The following PATJ variants were observed in gnomAD, a reference collection of about 807,000 sequenced individuals.
PATJ encodes PATJ crumbs cell polarity complex component, also known as inaD-like protein.
In PATJ, 190 loss-of-function variants were observed where a neutral mutation model predicts 224.9. The observed-to-expected ratio is 0.84, with a 90% confidence interval of 0.75 to 0.95. The LOEUF is 0.95. Among genes scored for constraint, PATJ ranks in the 40% least tolerant of loss-of-function variants. PATJ has a pLI of 0.00. For missense variants in PATJ, 2,121 were observed against 2,270.3 expected, an observed-to-expected ratio of 0.93 and a Z score of 1.34; for synonymous variants, 769 against 820.3, an observed-to-expected ratio of 0.94 and a Z score of 1.07.
At position 62,038,017 on chromosome 1, in the gene PATJ, C is replaced by G; in HGVS notation, c.4000C>G (p.Pro1334Ala). Residue 1334 changes from proline to alanine, a missense_variant, in exon 30 of 44, where the codon CCA becomes GCA. Physicochemically the swap from Pro to Ala is conservative, Grantham distance 27. Coordinates refer to ENST00000642238, the MANE Select transcript of PATJ (RefSeq NM_001350145.3). ...AVNQMAVTPF[P>A]VPSSSPSSIE... ...CAATCAGATGGCCGTTACTCCCTTT[C>G]CAGTGCCATCAAGTTCTCCATCTTC... The G allele has an allele frequency of 1.2e-6, 2 of 1,600,210 alleles. No individual in the cohort carries two copies. Among genetic ancestry groups the G allele is most frequent in the South Asian group, 1.1e-5 (1 of 88,250 alleles).
rs1425824934 is a variant in PATJ at position 61,757,577 on chromosome 1, G to A, written c.-35-5281G>A. On this transcript the variant is annotated intron_variant, in intron 1 of 43. Coordinates refer to ENST00000642238, the MANE Select transcript of PATJ (RefSeq NM_001350145.3). The stretch of plus-strand genomic sequence containing the variant: ...ATTTTTGTGTTTTATGTAGATACAG[G>A]GCTTTGCCATGTTATCCAGGCTGGT... Among the ~76,000 whole-genome samples, 2 of 151,654 alleles carry A rather than the reference G, an allele frequency of 1.3e-5. 1 individual carries two copies. Among genetic ancestry groups the A allele is most frequent in the African/African-American group, 4.8e-5 (2 of 41,246 alleles).
intron 11 of PATJ, among the ~76,000 whole-genome samples, chr1:61,800,111 G>A (rs1016154100): frequency 6.6e-6 from 1 of 152,192 alleles, no homozygotes; most frequent in African/African-American, 2.4e-5. Flanking sequence ...TAGAAACCCA[G>A]TAGTGGAGTT....
chr1:62,156,371 A>C (rs1669220389), intron 43 of PATJ, among the ~76,000 whole-genome samples: 1 of 151,052 alleles, frequency 6.6e-6, no homozygotes, highest in Non-Finnish European at 1.5e-5. Flanking sequence ...CTCTACTAAG[A>C]ATACAAAAAT....
intron 30 of PATJ, among the ~76,000 whole-genome samples, chr1:62,048,325 C>G (rs1397089474): frequency 6.6e-6 from 1 of 151,974 alleles, no homozygotes; most frequent in Non-Finnish European, 1.5e-5. Flanking sequence ...GTGGGTGGAT[C>G]ACTTGAGGTC....
chr1:61,990,284 A>G lies in PATJ; in HGVS notation c.3787A>G (p.Ser1263Gly). 6.2e-7 allele frequency: 1 copy of G among 1,614,028 alleles called. No homozygotes were observed. The highest frequency in any genetic ancestry group is 8.5e-7 in the Non-Finnish European group (1 of 1,179,954). ...TGGTAATAAAGACCGATCACGCATG[A>G]GCATATTTGTGGTGGGAATTAACCC... is the stretch of plus-strand genomic sequence containing the variant. ...LAGNKDRSRM[S>G]IFVVGINPEG... is the part of the protein sequence containing the mutation. The change falls in exon 28 of 44, where the codon AGC becomes GGC. Residue 1263 changes from serine (S) to glycine (G), a missense_variant. Ser to Gly is a moderately conservative substitution (Grantham distance 56, BLOSUM62 0). Transcript: ENST00000642238.
chr1:62,057,049 A>C (rs909394693), intron 31 of PATJ, among the ~76,000 whole-genome samples: 1 of 152,116 alleles, frequency 6.6e-6, no homozygotes, highest in African/African-American at 2.4e-5. Context: ...GCTGGTCTGG[A>C]ACTCCTGGCC....
intron 31 of PATJ, chr1:62,078,935 T>A (rs1658793903): frequency 6.6e-6 from 1 of 152,620 alleles, no homozygotes; most frequent in South Asian, 2.1e-4. Flanking sequence ...AGGTGTTGGT[T>A]TTCTTTGTCT....
At chr1:61,781,178 C>G (rs937429622) in intron 7 of PATJ, among the ~76,000 whole-genome samples, 4 of 152,118 alleles carry the variant, frequency 2.6e-5, no homozygotes, top group Non-Finnish European at 5.9e-5. Context: ...TGAATTTATC[C>G]AAAGTTAATC....
At chr1:61,828,915 T>A (rs1006492689) in intron 16 of PATJ, among the ~76,000 whole-genome samples, 2 of 152,174 alleles carry the variant, frequency 1.3e-5, no homozygotes, top group Non-Finnish European at 2.9e-5. Flanking sequence ...TCTGTTCATA[T>A]TTTTCCTTTG....
At chr1:61,815,744 T>G (rs1655973219) in intron 14 of PATJ, among the ~76,000 whole-genome samples, 1 of 152,168 alleles carries the variant, frequency 6.6e-6, no homozygotes, top group African/African-American at 2.4e-5. Context: ...AGATAAGATT[T>G]TCTTCTGAGG....
At chr1:61,977,277 A>G (rs955905344) in intron 27 of PATJ, among the ~76,000 whole-genome samples, 6 of 151,860 alleles carry the variant, frequency 4.0e-5, no homozygotes, top group Non-Finnish European at 8.8e-5. Context: ...TGTAGTAGAG[A>G]TGGGGCTTTG....
intron 29 of PATJ, among the ~76,000 whole-genome samples, chr1:62,029,677 G>T (rs1453307343): frequency 6.6e-6 from 1 of 152,186 alleles, no homozygotes; most frequent in African/African-American, 2.4e-5. Flanking sequence ...CACATGAGCA[G>T]TTTAGAAATT....
intron 11 of PATJ, among the ~76,000 whole-genome samples, chr1:61,798,006 G>A (rs753011508): frequency 3.3e-5 from 5 of 151,966 alleles, no homozygotes; most frequent in African/African-American, 7.2e-5. Flanking sequence ...GGGTTTCACC[G>A]TGTTGGTAAG....
chr1:61,869,656 TG>T (rs1482051561), intron 20 of PATJ, among the ~76,000 whole-genome samples: 1 of 152,212 alleles, frequency 6.6e-6, no homozygotes. Context: ...GACCCCTTTG[TG>T]GGACTTGTGA....
chr1:61,862,223 C>A (rs1167464993), intron 19 of PATJ, among the ~76,000 whole-genome samples: 1 of 151,572 alleles, frequency 6.6e-6, no homozygotes, highest in Non-Finnish European at 1.5e-5. Flanking sequence ...TTTTGACAGA[C>A]TCTCACTCTG....
intron 14 of PATJ, among the ~76,000 whole-genome samples, chr1:61,812,437 T>G (rs139694551): frequency 1.0e-5 from 1 of 97,504 alleles, no homozygotes; most frequent in African/African-American, 4.4e-5. Flanking sequence ...AGAGAGAGTG[T>G]GTGTGTGTGT....
At chr1:61,750,661 G>T (rs1645273342) in intron 1 of PATJ, among the ~76,000 whole-genome samples, 1 of 151,702 alleles carries the variant, frequency 6.6e-6, no homozygotes, top group Admixed American at 6.6e-5. Flanking sequence ...GGCTGGTCTT[G>T]AACTCCCAAC....
chr1:62,133,560 G>A (rs11207907), intron 41 of PATJ, among the ~76,000 whole-genome samples: 25,796 of 152,050 alleles, frequency 0.17, 3,560 homozygotes, highest in East Asian at 0.64. Flanking sequence ...CAGCCTAGTC[G>A]AGAGTGAGAC....
intron 28 of PATJ, among the ~76,000 whole-genome samples, chr1:62,003,130 G>T (rs764283478): frequency 6.6e-6 from 1 of 152,156 alleles, no homozygotes; most frequent in South Asian, 2.1e-4. Context: ...ATTATACTGT[G>T]CTTTCATTCA....
Sources: allele counts gnomAD v4.1 joint callset (sites outside exome capture counted in the v4.1 genomes callset), GRCh38; gene constraint gnomAD v4.1.1; transcripts MANE v1.5; gene names NCBI Gene and HGNC (gene_info 2026-07-23, HGNC 2026-07-21).